The following MADD variants were observed in gnomAD, a reference collection of about 807,000 sequenced individuals.
MADD encodes the protein MAP kinase-activating death domain protein.
Under a neutral mutation model 176.7 loss-of-function variants are expected in MADD, and 109 were observed. That is an observed-to-expected ratio of 0.62 (90% CI 0.53 to 0.72). MADD has a LOEUF of 0.72. Among genes scored for constraint, MADD ranks in the 30% least tolerant of loss-of-function variants. MADD has a pLI of 0.00. For missense variants in MADD, 1,914 were observed against 2,045.5 expected (o/e 0.94, Z 1.24); for synonymous variants, 771 against 771.3 (o/e 1.00, Z 0.01).
At position 47,281,810 on chromosome 11, in the gene MADD, A is replaced by T. The variant is rs567739361; in HGVS notation, c.1469+57A>T. ...TCTTAAATTAATTTCTTTGCTCTCT[A>T]AGGGACCTTGGGGCAGACTATTTCT... On this transcript the variant is annotated intron_variant, in intron 8 of 32. Transcript: ENST00000402192. 130 of 1,280,964 alleles carry T rather than the reference A, an allele frequency of 1.0e-4. 3 individuals are homozygous for T. In the South Asian group the frequency reaches 2.0e-3, roughly 20 times the overall value. The allele number at this position is 1,280,964 out of a possible 1,614,324, so 79.3% of individuals were successfully genotyped here.
At chr11:47,315,686 G>A (rs1236691142) in intron 27 of MADD, among the ~76,000 whole-genome samples, 1 of 152,014 alleles carries the variant, frequency 6.6e-6, no homozygotes, top group African/African-American at 2.4e-5. Context: ...TGTTGGCCAG[G>A]CTGGTCTCAA....
upstream of MADD, chr11:47,269,649 C>G (rs1958334764): frequency 6.6e-6 from 1 of 151,572 alleles, no homozygotes; most frequent in Admixed American, 6.6e-5. Context: ...GTGGAGGTAA[C>G]CGCGGCCGCG....
At chr11:47,279,897 C>T (rs946959259) in intron 7 of MADD, among the ~76,000 whole-genome samples, 6 of 151,822 alleles carry the variant, frequency 4.0e-5, no homozygotes, top group South Asian at 2.1e-4. Flanking sequence ...ATGTTGAAAC[C>T]CTGTCTCTAC....
intron 31 of MADD, chr11:47,328,012 C>T (rs746097816): frequency 1.6e-5 from 16 of 989,308 alleles, no homozygotes; most frequent in Non-Finnish European, 1.8e-5. Flanking sequence ...GTGCTGTACT[C>T]GCCTGTCTTC....
exon 12 of MADD, chr11:47,284,384 C>G (rs1310385260): frequency 6.2e-6 from 10 of 1,614,134 alleles, no homozygotes; most frequent in Non-Finnish European, 7.6e-6. Flanking sequence ...GATGTGGACC[C>G]TCTGACACAT....
At chr11:47,277,989 T>C (rs2052106350) in intron 5 of MADD, among the ~76,000 whole-genome samples, 176 bp from the exon 6 acceptor site, 1 of 152,200 alleles carries the variant, frequency 6.6e-6, no homozygotes, top group Non-Finnish European at 1.5e-5. Context: ...TACAAAAAAA[T>C]GTACCATGTT....
chr11:47,289,065 T>C, intron 15 of MADD, 38 bp downstream of exon 16: 2 of 1,560,028 alleles, frequency 1.3e-6, no homozygotes, highest in Middle Eastern at 1.8e-4. Flanking sequence ...ATCTTTTTTT[T>C]TTCTCTAGCA....
At chr11:47,319,729 G>T (rs1380272175) in intron 27 of MADD, among the ~76,000 whole-genome samples, 1 of 152,124 alleles carries the variant, frequency 6.6e-6, no homozygotes, top group African/African-American at 2.4e-5. Flanking sequence ...GCTCACATGA[G>T]CCTGTAATCC....
chr11:47,274,654 G>A (rs1664933652), exon 3 of MADD: 2 of 1,614,116 alleles, frequency 1.2e-6, no homozygotes, highest in Non-Finnish European at 1.7e-6. Context: ...GCCCCCAGAT[G>A]TAGTGTTCTT....
At position 47,285,501 on chromosome 11, in the gene MADD, A is replaced by T. The variant is rs748896318; in HGVS notation, c.2462A>T (p.Asp821Val). The T allele has an allele frequency of 2.5e-5, 40 of 1,614,042 alleles. No individual in the cohort carries two copies. Among genetic ancestry groups the T allele is most frequent in the Non-Finnish European group, 3.4e-5 (40 of 1,180,022 alleles). ...AGCTTGAGACTGGCAAGTGACTCAGATGCAGAGTCAGACTCTCGGGCAAGC... is the reference window on the plus strand; with the variant it reads ...AGCTTGAGACTGGCAAGTGACTCAGTTGCAGAGTCAGACTCTCGGGCAAGC... The change falls in exon 14 of 33, where the codon GAT becomes GTT. Residue 821 changes from aspartate to valine, a missense_variant. Physicochemically the swap from Asp to Val is radical, Grantham distance 152. Transcript: ENST00000402192.
exon 13 of MADD, chr11:47,284,991 C>T (rs148889808): frequency 1.2e-6 from 2 of 1,614,040 alleles, no homozygotes; most frequent in Middle Eastern, 1.6e-4. Context: ...TAGGCGTCTC[C>T]AAGCCCCTCC....
exon 21 of MADD, chr11:47,295,548 G>A (rs1265998590): frequency 3.1e-6 from 5 of 1,613,978 alleles, no homozygotes; most frequent in Non-Finnish European, 4.2e-6. Context: ...ATGATCCGCA[G>A]CTCAAGTCAG....
At chr11:47,307,489 A>G (rs2083825516) in intron 22 of MADD, among the ~76,000 whole-genome samples, 1 of 152,196 alleles carries the variant, frequency 6.6e-6, no homozygotes, top group Non-Finnish European at 1.5e-5. Flanking sequence ...CACGTGATCC[A>G]TTTAGTAAAA....
At chr11:47,290,722 A>G in exon 19 of MADD, 1 of 1,614,182 alleles carries the variant, frequency 6.2e-7, no homozygotes, top group South Asian at 1.1e-5. Context: ...TGAGAGTTCC[A>G]CAACTGGGAC....
At chr11:47,314,389 T>C (rs1219698872) in intron 26 of MADD, among the ~76,000 whole-genome samples, 3 of 152,210 alleles carry the variant, frequency 2.0e-5, no homozygotes, top group Non-Finnish European at 2.9e-5. Flanking sequence ...TGGATTTTAA[T>C]GTAACAATGT....
chr11:47,322,756 T>A (rs949953581), intron 27 of MADD, among the ~76,000 whole-genome samples: 30 of 152,360 alleles, frequency 2.0e-4, no homozygotes, highest in African/African-American at 7.0e-4. Context: ...AATTAATTTT[T>A]AAAAATATTT....
chr11:47,316,203 A>G (rs1203984921), intron 27 of MADD, among the ~76,000 whole-genome samples: 1 of 152,148 alleles, frequency 6.6e-6, no homozygotes, highest in African/African-American at 2.4e-5. Context: ...ATATCTATAT[A>G]TAGATGATAT....
At chr11:47,288,423 G>A (rs1384561206) in intron 15 of MADD, among the ~76,000 whole-genome samples, 2 of 152,226 alleles carry the variant, frequency 1.3e-5, no homozygotes, top group Non-Finnish European at 2.9e-5. Flanking sequence ...CACTGCCAGG[G>A]AATCCACATG....
chr11:47,327,972 C>T, intron 31 of MADD: 1 of 985,346 alleles, frequency 1.0e-6, no homozygotes, highest in Non-Finnish European at 1.2e-6. Context: ...GTGTATTTTG[C>T]CTGATGCTCC....
Sources: gnomAD v4.1 joint callset for allele counts (sites outside exome capture counted in the v4.1 genomes callset) on GRCh38, gnomAD v4.1.1 for gene constraint, MANE v1.5 for transcripts, NCBI Gene and HGNC (gene_info 2026-07-23, HGNC 2026-07-21) for gene names.